The following TRIP12 variants were observed in gnomAD, a reference collection of about 807,000 sequenced individuals.
TRIP12 encodes the protein thyroid hormone receptor interactor 12.
Under a neutral mutation model 244.2 loss-of-function variants are expected in TRIP12, and 25 were observed. The observed-to-expected ratio is 0.10, with a 90% CI of 0.07 to 0.14. The LOEUF is 0.14. TRIP12 is among the 10% of genes least tolerant of loss of function. The pLI is 1.00. For synonymous variants in TRIP12, 905 were observed against 873.1 expected (o/e 1.04, Z -0.64); for missense variants, 1,677 against 2,486.4 (o/e 0.67, Z 6.92).
intron 34 of TRIP12, among the ~76,000 whole-genome samples, chr2:229,782,762 T>C (rs2038672040): frequency 6.6e-6 from 1 of 152,194 alleles, no homozygotes; most frequent in African/African-American, 2.4e-5. Context: ...ACTAAACTGC[T>C]AAATCTATGA....
At chr2:229,884,875 G>A (rs542182680) in intron 1 of TRIP12, among the ~76,000 whole-genome samples, 1 of 152,282 alleles carries the variant, frequency 6.6e-6, no homozygotes, top group African/African-American at 2.4e-5. Flanking sequence ...GAAGGCTGAG[G>A]TGGAAGATTA....
intron 25 of TRIP12, 47 bp downstream of exon 25, chr2:229,796,544 T>C: frequency 6.8e-7 from 1 of 1,480,232 alleles, no homozygotes; most frequent in Non-Finnish European, 9.0e-7. Context: ...TATGCATTAG[T>C]GAGCACTGAT....
At chr2:229,803,891 C>A in intron 19 of TRIP12, 108 bp downstream of exon 19, 1 of 1,030,086 alleles carries the variant, frequency 9.7e-7, no homozygotes, top group Non-Finnish European at 1.4e-6. Context: ...TCAAGATACT[C>A]CTAACAAATT....
At chr2:229,822,547 A>G (rs2050352966) in intron 8 of TRIP12, among the ~76,000 whole-genome samples, 1 of 152,232 alleles carries the variant, frequency 6.6e-6, no homozygotes, top group East Asian at 1.9e-4. Flanking sequence ...AACAAGCTCA[A>G]GTCCTGATTA....
chr2:229,818,747 A>C (rs555685425), intron 8 of TRIP12, among the ~76,000 whole-genome samples: 1 of 152,238 alleles, frequency 6.6e-6, no homozygotes, highest in African/African-American at 2.4e-5. Flanking sequence ...TTAATTGAAA[A>C]CTTGACTGGT....
intron 4 of TRIP12, among the ~76,000 whole-genome samples, chr2:229,857,588 AC>A (rs1277652457): frequency 6.6e-6 from 1 of 151,706 alleles, no homozygotes; most frequent in Non-Finnish European, 1.5e-5. Context: ...CCAAGATCGT[AC>A]CACTCACACC....
At chr2:229,857,285 T>C (rs1022991439) in intron 4 of TRIP12, among the ~76,000 whole-genome samples, 2 of 152,184 alleles carry the variant, frequency 1.3e-5, no homozygotes, top group African/African-American at 4.8e-5. Flanking sequence ...TTAAAAATTG[T>C]AGAGATAAGT....
At chr2:229,794,345 T>C (rs2042264037) in intron 26 of TRIP12, among the ~76,000 whole-genome samples, 2 of 152,042 alleles carry the variant, frequency 1.3e-5, no homozygotes, top group South Asian at 4.2e-4. Flanking sequence ...GGCAGGAGGA[T>C]CACTTGGGCC....
chr2:229,821,596 C>A lies in TRIP12; in HGVS notation c.1451-3084G>T, dbSNP rs936099519. 2.6e-5 allele frequency among the ~76,000 whole-genome samples: 4 copies of A among 152,170 alleles called. No homozygotes were observed. The South Asian group carries it at 8.3e-4, about 31-fold the overall frequency. ...ATTATGGACACTGAAATTTGATCTGCATTTAATTTTCACATCACAAAATAT... is the reference window on the plus strand; with the variant it reads ...ATTATGGACACTGAAATTTGATCTGAATTTAATTTTCACATCACAAAATAT... On this transcript the variant is annotated intron_variant, in intron 8 of 41. Coordinates refer to ENST00000675903, the MANE Select transcript of TRIP12 (RefSeq NM_001348323.3).
At chr2:229,851,124 G>A (rs533437545) in intron 4 of TRIP12, among the ~76,000 whole-genome samples, 7 of 152,242 alleles carry the variant, frequency 4.6e-5, no homozygotes, top group Non-Finnish European at 1.0e-4. Flanking sequence ...GGACCGGCAG[G>A]CAGCTCCACG....
chr2:229,864,268 A>G (rs1157594098), intron 2 of TRIP12, among the ~76,000 whole-genome samples: 3 of 152,238 alleles, frequency 2.0e-5, no homozygotes, highest in African/African-American at 7.2e-5. Context: ...AATCACATCA[A>G]TTTTAATAAA....
At chr2:229,842,357 G>C (rs994330289) in intron 4 of TRIP12, among the ~76,000 whole-genome samples, 12 of 152,172 alleles carry the variant, frequency 7.9e-5, no homozygotes, top group African/African-American at 2.9e-4. Context: ...CTAAGAGACA[G>C]GGCATGGCAA....
chr2:229,835,384 G>C (rs1347694644), intron 6 of TRIP12, among the ~76,000 whole-genome samples: 6 of 152,084 alleles, frequency 3.9e-5, no homozygotes, highest in Admixed American at 1.3e-4. Flanking sequence ...AAATAAATAG[G>C]GGAACAAAAT....
At chr2:229,770,024 G>A (rs2033622360) in intron 39 of TRIP12, among the ~76,000 whole-genome samples, 1 of 152,182 alleles carries the variant, frequency 6.6e-6, no homozygotes, top group Non-Finnish European at 1.5e-5. Flanking sequence ...AGGCTGGAGT[G>A]TAGTGGCCTA....
intron 4 of TRIP12, among the ~76,000 whole-genome samples, chr2:229,851,870 A>G (rs1206540568): frequency 5.9e-5 from 9 of 152,202 alleles, no homozygotes; most frequent in Non-Finnish European, 1.3e-4. Flanking sequence ...TAAGAGCTGT[A>G]ACACTCACCA....
At chr2:229,792,884 T>C in intron 27 of TRIP12, 89 bp downstream of exon 27, 3 of 1,353,848 alleles carry the variant, frequency 2.2e-6, no homozygotes, top group Non-Finnish European at 3.0e-6. Flanking sequence ...AGAAACAACA[T>C]TAAACAGAGA....
At chr2:229,843,595 C>T (rs567975683) in intron 4 of TRIP12, among the ~76,000 whole-genome samples, 106 of 152,270 alleles carry the variant, frequency 7.0e-4, no homozygotes, top group African/African-American at 2.5e-3. Context: ...ACAAAAAACA[C>T]AGGCTGGATA....
At position 229,769,218 on chromosome 2, in the gene TRIP12, C is replaced by T. The variant is rs764142107; in HGVS notation, c.5903+13G>A. 15 of 1,609,576 alleles carry T rather than the reference C, an allele frequency of 9.3e-6. No individual in the cohort carries two copies. Among genetic ancestry groups the T allele is most frequent in the Non-Finnish European group, 8.5e-7 (1 of 1,177,584 alleles). ...CAGAATCAACAGAAAAACTGGCAGA[C>T]CCCAGTACTTACCTGTCATGAGTAT... On this transcript the variant is annotated intron_variant, in intron 40 of 41. Transcript: ENST00000675903.
intron 18 of TRIP12, among the ~76,000 whole-genome samples, 166 bp downstream of exon 18, chr2:229,805,564 C>T (rs1241353020): frequency 6.6e-6 from 1 of 152,176 alleles, no homozygotes; most frequent in Non-Finnish European, 1.5e-5. Context: ...TTAATACTGG[C>T]TCACTCATCC....
Sources: gnomAD v4.1 joint callset for allele counts (sites outside exome capture counted in the v4.1 genomes callset) on GRCh38, gnomAD v4.1.1 for gene constraint, MANE v1.5 for transcripts, NCBI Gene and HGNC (gene_info 2026-07-23, HGNC 2026-07-21) for gene names.